The following LRRC37A2 variants were observed in gnomAD, a reference collection of about 807,000 sequenced individuals.
LRRC37A2 encodes leucine rich repeat containing 37 member A2, also known as leucine-rich repeat-containing protein 37A2.
In LRRC37A2, 9 loss-of-function variants were observed where a neutral mutation model predicts 68.8. The ratio of observed to expected loss-of-function variants is 0.13; its 90% CI spans 0.08 to 0.23. LRRC37A2 has a LOEUF of 0.23. Among genes scored for constraint, LRRC37A2 ranks in the 10% least tolerant of loss-of-function variants. The pLI, the probability that LRRC37A2 is intolerant of heterozygous loss-of-function variation, is 1.00. For missense variants in LRRC37A2, 168 were observed against 950.4 expected (o/e 0.18, Z 10.82); for synonymous variants, 63 against 367.6 (o/e 0.17, Z 9.48).
the LRRC37A2 span, among the ~76,000 whole-genome samples, chr17:46,971,466 G>T: frequency 6.6e-6 from 1 of 152,032 alleles, no homozygotes. Context: ...CTGGGTTAGG[G>T]GCTCTGTGAC....
the LRRC37A2 span, chr17:46,750,031 T>A: frequency 8.8e-7 from 1 of 1,130,286 alleles, no homozygotes; most frequent in Non-Finnish European, 1.3e-6. Context: ...CCCGGGGATA[T>A]TACAGGTTGT....
chr17:46,550,480 A>C, exon 11 of LRRC37A2: 1 of 824,156 alleles, frequency 1.2e-6, no homozygotes, highest in Non-Finnish European at 1.9e-6. Context: ...TTGTTACTGG[A>C]ATACTAACGA....
the LRRC37A2 span, among the ~76,000 whole-genome samples, chr17:47,008,680 A>G: frequency 6.6e-6 from 1 of 150,700 alleles, no homozygotes; most frequent in Non-Finnish European, 1.5e-5. Flanking sequence ...GGGTTTCACA[A>G]TATTGGCCAG....
At chr17:46,946,282 C>CAAAAA in the LRRC37A2 span, among the ~76,000 whole-genome samples, 7 of 126,670 alleles carry the variant, frequency 5.5e-5, no homozygotes, top group African/African-American at 1.6e-4. Context: ...CTAAAAATAC[C>CAAAAA]AAAAAAAAAA....
chr17:46,812,264 A>G, the LRRC37A2 span, among the ~76,000 whole-genome samples: 2 of 152,216 alleles, frequency 1.3e-5, no homozygotes, highest in African/African-American at 2.4e-5. Context: ...CCAAAGGGAC[A>G]GGGAGGGCCT....
At chr17:46,950,019 G>A in the LRRC37A2 span, among the ~76,000 whole-genome samples, 1 of 152,268 alleles carries the variant, frequency 6.6e-6, no homozygotes, top group Non-Finnish European at 1.5e-5. Context: ...GGAGTGAGCA[G>A]TGTGTGTTGA....
chr17:46,528,798 G>T (rs201779348), intron 6 of LRRC37A2: 86,287 of 560,526 alleles, frequency 0.15, 495 homozygotes, highest in Non-Finnish European at 0.19. Flanking sequence ...AAGCATTTAC[G>T]TGATGCAGTC....
the LRRC37A2 span, among the ~76,000 whole-genome samples, chr17:46,585,314 T>A: frequency 1.1e-5 from 1 of 91,676 alleles, no homozygotes; most frequent in Admixed American, 1.1e-4. Context: ...CAAGACTCCA[T>A]CTCGAAAAAA....
the LRRC37A2 span, among the ~76,000 whole-genome samples, chr17:47,003,987 T>TAC: frequency 6.6e-6 from 1 of 152,238 alleles, no homozygotes; most frequent in Non-Finnish European, 1.5e-5. Flanking sequence ...TTTTTGTTCT[T>TAC]ACGATAGTTT....
chr17:46,874,126 C>T, the LRRC37A2 span, among the ~76,000 whole-genome samples: 1 of 152,120 alleles, frequency 6.6e-6, no homozygotes, highest in Non-Finnish European at 1.5e-5. Flanking sequence ...CACCCAGATG[C>T]ACTGGAGGGC....
At chr17:46,999,493 C>T in the LRRC37A2 span, among the ~76,000 whole-genome samples, 1 of 152,102 alleles carries the variant, frequency 6.6e-6, no homozygotes, top group South Asian at 2.1e-4. Flanking sequence ...GGACTACAGG[C>T]ACACGCCACC....
exon 10 of LRRC37A2, chr17:46,548,919 C>G: frequency 6.2e-7 from 1 of 1,612,672 alleles, no homozygotes; most frequent in East Asian, 2.2e-5. Flanking sequence ...CTACCTCCAG[C>G]CCTGCAAAAG....
At chr17:46,499,249 T>G in the LRRC37A2 span, among the ~76,000 whole-genome samples, 1 of 126,460 alleles carries the variant, frequency 7.9e-6, no homozygotes, top group Non-Finnish European at 1.6e-5. Context: ...GAGGTGGAGG[T>G]TGCAGGGAGC....
the LRRC37A2 span, among the ~76,000 whole-genome samples, chr17:46,704,102 T>TG: frequency 8.4e-6 from 1 of 119,548 alleles, no homozygotes; most frequent in African/African-American, 3.2e-5. Context: ...CCTCTGTCAA[T>TG]GGTCATATGG....
At chr17:46,900,202 T>TACAC in the LRRC37A2 span, among the ~76,000 whole-genome samples, 172 of 101,098 alleles carry the variant, frequency 1.7e-3, 2 homozygotes, top group Middle Eastern at 5.7e-3. Context: ...TATATATATA[T>TACAC]ACACACACAC....
At chr17:46,826,711 G>A in the LRRC37A2 span, among the ~76,000 whole-genome samples, 1 of 151,534 alleles carries the variant, frequency 6.6e-6, no homozygotes, top group African/African-American at 2.4e-5. Flanking sequence ...TGCTGTGTTT[G>A]AAATGGCACC....
At chr17:46,710,055 G>A in the LRRC37A2 span, among the ~76,000 whole-genome samples, 2,023 of 152,254 alleles carry the variant, frequency 0.013, 42 homozygotes, top group African/African-American at 0.046. Context: ...TGAGGTGCAT[G>A]TTCTAAAGAA....
chr17:46,711,018 A>G, the LRRC37A2 span: 1 of 1,594,038 alleles, frequency 6.3e-7, no homozygotes, highest in Non-Finnish European at 8.5e-7. Flanking sequence ...GGTATCATCA[A>G]ATGGGGTGAC....
At chr17:46,496,476 G>A in the LRRC37A2 span, among the ~76,000 whole-genome samples, 4 of 147,896 alleles carry the variant, frequency 2.7e-5, no homozygotes, top group African/African-American at 7.8e-5. Flanking sequence ...GGTGGCACAC[G>A]TCTGTAGTCC....
Sources: gnomAD v4.1 joint callset for allele counts (sites outside exome capture counted in the v4.1 genomes callset) on GRCh38, gnomAD v4.1.1 for gene constraint, MANE v1.5 for transcripts, NCBI Gene and HGNC (gene_info 2026-07-23, HGNC 2026-07-21) for gene names.